LARP4B: variants seen among roughly 807,000 people sequenced by gnomAD.
LARP4B encodes La ribonucleoprotein 4B.
In LARP4B, 12 loss-of-function variants were observed where a neutral mutation model predicts 89.8. The observed-to-expected ratio is 0.13, with a 90% CI of 0.09 to 0.22. The LOEUF (loss-of-function observed/expected upper bound fraction) is 0.22, where lower values mean the gene tolerates loss of function less well. LARP4B is among the 10% of genes least tolerant of loss of function. The pLI is 1.00. For synonymous variants in LARP4B, 367 were observed against 363.3 expected, an observed-to-expected ratio of 1.01 and a Z score of -0.12; for missense variants, 757 against 947.7, an observed-to-expected ratio of 0.80 and a Z score of 2.64.
intron 13 of LARP4B, among the ~76,000 whole-genome samples, chr10:824,221 G>A (rs138532716): frequency 3.2e-3 from 492 of 152,312 alleles, no homozygotes; most frequent in Non-Finnish European, 5.8e-3. Flanking sequence ...GGGCAGGTGC[G>A]GTGGCTCATG....
the LARP4B span, among the ~76,000 whole-genome samples, chr10:981,700 G>A: frequency 6.6e-6 from 1 of 152,094 alleles, no homozygotes; most frequent in Admixed American, 6.6e-5. Flanking sequence ...TTCCAGAATA[G>A]CTGGGATTAC....
chr10:972,797 C>G, the LARP4B span: 4 of 456,674 alleles, frequency 8.8e-6, no homozygotes, highest in Non-Finnish European at 1.8e-5. Flanking sequence ...CCCCAGGTAG[C>G]CGCATTCTTT....
Position 842,948 on chromosome 10 carries a change from A to G in LARP4B, c.630T>C (p.Ile210=). The G allele has an allele frequency of 6.2e-7, 1 of 1,613,980 alleles. No individual in the cohort carries two copies. Residue 210 remains isoleucine (I), a synonymous_variant, in exon 7 of 18, where the codon ATT becomes ATC. Transcript: ENST00000316157. ...IKKLSTDVDL[I]VEVLRSLPLV... ...TTTACTTACATCTTAGCACTTCCAC[A>G]ATCAAGTCCACATCAGTGCTGAGCT...
At chr10:854,696 G>A (rs1165937232) in intron 5 of LARP4B, among the ~76,000 whole-genome samples, 3 of 152,094 alleles carry the variant, frequency 2.0e-5, no homozygotes, top group Non-Finnish European at 2.9e-5. Flanking sequence ...CACAGGGAGA[G>A]CAAATTTAGC....
the LARP4B span, among the ~76,000 whole-genome samples, chr10:937,107 A>G: frequency 6.6e-6 from 1 of 152,166 alleles, no homozygotes; most frequent in African/African-American, 2.4e-5. Context: ...CAGTGGCGCA[A>G]TCCCAGCTCA....
the LARP4B span, among the ~76,000 whole-genome samples, chr10:959,911 C>T: frequency 6.6e-6 from 1 of 150,530 alleles, no homozygotes; most frequent in African/African-American, 2.5e-5. Flanking sequence ...CTCAATCCCA[C>T]CTCCTCCTCA....
At chr10:943,135 CAG>C in the LARP4B span, among the ~76,000 whole-genome samples, 1 of 152,030 alleles carries the variant, frequency 6.6e-6, no homozygotes, top group Non-Finnish European at 1.5e-5. Flanking sequence ...TTAGCAGAGA[CAG>C]GGTTTCGTCA....
chr10:842,884 A>G (rs1448921776), intron 7 of LARP4B, 48 bp downstream of exon 7: 1 of 1,558,048 alleles, frequency 6.4e-7, no homozygotes, highest in Admixed American at 1.7e-5. Context: ...CTGATAAGAC[A>G]AATACTCTAA....
At chr10:912,461 A>G (rs1018192435) in intron 1 of LARP4B, among the ~76,000 whole-genome samples, 1 of 152,264 alleles carries the variant, frequency 6.6e-6, no homozygotes, top group East Asian at 1.9e-4. Context: ...TTCAAATTTA[A>G]GTATTAGGCC....
chr10:857,086 A>C (rs1238245353), intron 5 of LARP4B, among the ~76,000 whole-genome samples: 1 of 152,092 alleles, frequency 6.6e-6, no homozygotes, highest in Non-Finnish European at 1.5e-5. Context: ...AGTGCCTTCC[A>C]CCCAGCACGT....
chr10:965,523 A>T, the LARP4B span, among the ~76,000 whole-genome samples: 8 of 152,178 alleles, frequency 5.3e-5, no homozygotes, highest in Non-Finnish European at 1.0e-4. Context: ...AACGCAGCAG[A>T]CGCGATGGAA....
the LARP4B span, among the ~76,000 whole-genome samples, chr10:973,209 G>C: frequency 1.5e-4 from 23 of 152,166 alleles, no homozygotes; most frequent in Admixed American, 2.0e-4. Context: ...GAGTGCAGCA[G>C]GGACAACTCA....
At chr10:928,640 G>A (rs1837220201) in intron 1 of LARP4B, among the ~76,000 whole-genome samples, 1 of 152,166 alleles carries the variant, frequency 6.6e-6, no homozygotes, top group African/African-American at 2.4e-5. Context: ...GGAGTGCAGT[G>A]GCAGGATCAT....
chr10:807,351 G>C (rs917063711), downstream of LARP4B: 1 of 152,294 alleles, frequency 6.6e-6, no homozygotes, highest in African/African-American at 2.4e-5. Context: ...AGTAAACACA[G>C]TGAGCTTCGG....
intron 1 of LARP4B, among the ~76,000 whole-genome samples, chr10:929,984 T>C (rs1483036265): frequency 6.6e-6 from 1 of 152,082 alleles, no homozygotes; most frequent in East Asian, 1.9e-4. Context: ...CCTTTCAGCA[T>C]ATTAAATACA....
intron 5 of LARP4B, among the ~76,000 whole-genome samples, chr10:856,451 C>T (rs956675611): frequency 6.6e-6 from 1 of 152,188 alleles, no homozygotes; most frequent in Non-Finnish European, 1.5e-5. Flanking sequence ...TTAGATCCTA[C>T]GTAAAGTCAC....
intron 1 of LARP4B, among the ~76,000 whole-genome samples, chr10:918,548 C>T (rs554756911): frequency 3.4e-5 from 5 of 148,170 alleles, no homozygotes; most frequent in Non-Finnish European, 6.0e-5. Flanking sequence ...GAGGGAGGAC[C>T]GCTTGAGACT....
At chr10:919,791 T>C (rs1836930810) in intron 1 of LARP4B, among the ~76,000 whole-genome samples, 1 of 152,226 alleles carries the variant, frequency 6.6e-6, no homozygotes, top group African/African-American at 2.4e-5. Context: ...GACGTTAAAA[T>C]GAACAACTCT....
At chr10:938,475 G>C in the LARP4B span, among the ~76,000 whole-genome samples, 1 of 151,644 alleles carries the variant, frequency 6.6e-6, no homozygotes, top group Non-Finnish European at 1.5e-5. Context: ...GGATAGGCTT[G>C]ATCTCCTGCT....
Sources: gnomAD v4.1 joint callset for allele counts (sites outside exome capture counted in the v4.1 genomes callset) on GRCh38, gnomAD v4.1.1 for gene constraint, MANE v1.5 for transcripts, NCBI Gene and HGNC (gene_info 2026-07-23, HGNC 2026-07-21) for gene names.